NALF1: variants seen among roughly 807,000 people sequenced by gnomAD.
NALF1 encodes the protein family with sequence similarity 155 member A.
In NALF1, 3 loss-of-function variants were observed where a neutral mutation model predicts 48.4. The ratio of observed to expected loss-of-function variants is 0.06; its 90% CI spans 0.03 to 0.16. The LOEUF is 0.16. Among genes scored for constraint, NALF1 ranks in the 10% least tolerant of loss-of-function variants. NALF1 has a pLI of 1.00. For missense variants in NALF1, 526 were observed against 571.5 expected (o/e 0.92, Z 0.81); for synonymous variants, 262 against 245.7 (o/e 1.07, Z -0.62).
chr13:107,441,381 A>G (rs1884558082), intron 1 of NALF1, among the ~76,000 whole-genome samples: 1 of 152,224 alleles, frequency 6.6e-6, no homozygotes, highest in South Asian at 2.1e-4. Flanking sequence ...CGTGAGGATC[A>G]TTACAGTATA....
intron 1 of NALF1, among the ~76,000 whole-genome samples, chr13:107,429,282 A>G (rs907647440): frequency 5.9e-5 from 9 of 151,846 alleles, no homozygotes; most frequent in Non-Finnish European, 1.3e-4. Flanking sequence ...TGATTGTGCC[A>G]CTGCACTCCA....
intron 1 of NALF1, among the ~76,000 whole-genome samples, chr13:107,809,588 G>T (rs566222828): frequency 1.3e-5 from 2 of 152,264 alleles, no homozygotes; most frequent in South Asian, 4.1e-4. Context: ...AAAATGCAAA[G>T]GTTGCCCTTG....
chr13:107,330,237 T>G (rs1882443410), intron 1 of NALF1, among the ~76,000 whole-genome samples: 1 of 152,222 alleles, frequency 6.6e-6, no homozygotes, highest in South Asian at 2.1e-4. Context: ...GAGGAGCTGA[T>G]GTGTTTATTT....
chr13:107,726,913 T>TTCTGTGTGTGTGTGTG lies in NALF1; in HGVS notation c.915+138768_915+138769insCACACACACACACAGA, dbSNP rs765487919. ...GACACCACGCCCGGCCGGCAAATTC[T>TTCTGTGTGTGTGTGTG]TGTGTGTGTGTGTGTGTGTGTGTGT... On this transcript the variant is annotated intron_variant, in intron 1 of 2. Coordinates refer to ENST00000375915, the MANE Select transcript of NALF1 (RefSeq NM_001080396.3). Among the ~76,000 whole-genome samples, 47 of 126,484 alleles carry TTCTGTGTGTGTGTGTG rather than the reference T, an allele frequency of 3.7e-4. 1 individual carries two copies. The highest frequency in any genetic ancestry group is 1.1e-3 in the African/African-American group (35 of 33,180). The allele number at this position is 126,484 out of a possible 152,430, so 83.0% of individuals were successfully genotyped here. A position where few individuals can be genotyped will look rare whatever the true frequency, so the allele number is the denominator to read the frequency against.
intron 1 of NALF1, among the ~76,000 whole-genome samples, chr13:107,582,636 T>C (rs1250164819): frequency 2.0e-5 from 3 of 152,178 alleles, no homozygotes; most frequent in Non-Finnish European, 4.4e-5. Context: ...ATTGTTTCTT[T>C]TCTTAAAATT....
At chr13:107,264,937 T>G (rs893139833) in intron 1 of NALF1, among the ~76,000 whole-genome samples, 1 of 152,236 alleles carries the variant, frequency 6.6e-6, no homozygotes, top group Non-Finnish European at 1.5e-5. Context: ...TTTCAAACAC[T>G]GTTGCACTAA....
chr13:107,804,040 C>T (rs555752665), intron 1 of NALF1, among the ~76,000 whole-genome samples: 3 of 152,166 alleles, frequency 2.0e-5, no homozygotes, highest in African/African-American at 4.8e-5. Context: ...CCCACTCCCC[C>T]ACCCCAGTGT....
At chr13:107,851,081 G>C (rs752441957) in intron 1 of NALF1, among the ~76,000 whole-genome samples, 3 of 152,122 alleles carry the variant, frequency 2.0e-5, no homozygotes, top group Admixed American at 2.0e-4. Flanking sequence ...AATATTGACA[G>C]TTTACCCTCA....
At chr13:107,360,537 C>T (rs1196936136) in intron 1 of NALF1, among the ~76,000 whole-genome samples, 4 of 151,834 alleles carry the variant, frequency 2.6e-5, no homozygotes, top group Non-Finnish European at 5.9e-5. Flanking sequence ...AATAAATGAG[C>T]CCTCACTTAT....
At chr13:107,200,721 CAG>C (rs2138793662) in intron 2 of NALF1, among the ~76,000 whole-genome samples, 3 of 152,308 alleles carry the variant, frequency 2.0e-5, no homozygotes, top group Middle Eastern at 3.4e-3. Context: ...CATCAGTCGC[CAG>C]TTGGCTGGAG....
In NALF1 at chr13:107,438,967, T is replaced by C. The variant is rs76344451; in HGVS notation, c.916-228212A>G. Among the ~76,000 whole-genome samples the C allele has an allele frequency of 6.9e-3, 1,054 of 151,978 alleles. 35 individuals are homozygous for C. In the East Asian group the frequency reaches 0.11, roughly 16 times the overall value. ...TTCATTTTAAGGTATATTTTTTATG[T>C]TTTTGGTATTTTTATTTGAATTCAG... On this transcript the variant is annotated intron_variant, in intron 1 of 2. Transcript: ENST00000375915.
At chr13:107,521,321 T>G (rs1876229727) in intron 1 of NALF1, among the ~76,000 whole-genome samples, 1 of 152,192 alleles carries the variant, frequency 6.6e-6, no homozygotes, top group Non-Finnish European at 1.5e-5. Context: ...TAAATCCCAG[T>G]AACTTTATAC....
At chr13:107,443,784 T>C (rs2139028605) in intron 1 of NALF1, among the ~76,000 whole-genome samples, 1 of 152,290 alleles carries the variant, frequency 6.6e-6, no homozygotes, top group East Asian at 1.9e-4. Flanking sequence ...GTTGGTGTTA[T>C]TAAATTTATG....
intron 1 of NALF1, among the ~76,000 whole-genome samples, chr13:107,450,065 T>C (rs918886993): frequency 6.6e-6 from 1 of 152,112 alleles, no homozygotes; most frequent in Non-Finnish European, 1.5e-5. Flanking sequence ...AATAATGACA[T>C]AAATCATGGC....
At chr13:107,776,285 T>C (rs1877727892) in intron 1 of NALF1, among the ~76,000 whole-genome samples, 1 of 152,136 alleles carries the variant, frequency 6.6e-6, no homozygotes, top group South Asian at 2.1e-4. Context: ...GGGTAAGTTT[T>C]CTTGGGTAAT....
intron 1 of NALF1, among the ~76,000 whole-genome samples, chr13:107,551,100 G>A (rs1439478872): frequency 6.6e-6 from 1 of 151,982 alleles, no homozygotes; most frequent in Non-Finnish European, 1.5e-5. Flanking sequence ...GAACCTTGCT[G>A]TATTCTTCTC....
At chr13:107,704,379 C>A (rs1200159470) in intron 1 of NALF1, among the ~76,000 whole-genome samples, 2 of 152,036 alleles carry the variant, frequency 1.3e-5, no homozygotes, top group East Asian at 3.8e-4. Flanking sequence ...ATTATTTTCT[C>A]TCATTCACCA....
At chr13:107,697,973 A>G (rs1163691544) in intron 1 of NALF1, among the ~76,000 whole-genome samples, 2 of 152,172 alleles carry the variant, frequency 1.3e-5, no homozygotes, top group Admixed American at 1.3e-4. Flanking sequence ...TGTGTAATAC[A>G]CATGCAACTG....
chr13:107,198,794 T>C (rs1312174082), intron 2 of NALF1, among the ~76,000 whole-genome samples: 1 of 152,108 alleles, frequency 6.6e-6, no homozygotes, highest in Admixed American at 6.5e-5. Context: ...AAAGCTCTGG[T>C]ATGGGCCTTT....
Sources: allele counts gnomAD v4.1 joint callset (sites outside exome capture counted in the v4.1 genomes callset), GRCh38; gene constraint gnomAD v4.1.1; transcripts MANE v1.5; gene names NCBI Gene and HGNC (gene_info 2026-07-23, HGNC 2026-07-21).